GALNTL6: variants seen among roughly 807,000 people sequenced by gnomAD.
GALNTL6 encodes polypeptide N-acetylgalactosaminyltransferase like 6, also known as polypeptide N-acetylgalactosaminyltransferase-like 6.
Under a neutral mutation model 73.7 loss-of-function variants are expected in GALNTL6, and 46 were observed. The ratio of observed to expected loss-of-function variants is 0.62; its 90% confidence interval spans 0.49 to 0.80. The LOEUF (loss-of-function observed/expected upper bound fraction) is 0.80, where lower values mean the gene tolerates loss of function less well. Ranked by LOEUF, GALNTL6 falls within the 30% of genes least tolerant of loss-of-function variation. The pLI is 0.00. For synonymous variants in GALNTL6, 259 were observed against 263.7 expected, an observed-to-expected ratio of 0.98 and a Z score of 0.17; for missense variants, 604 against 755.0, an observed-to-expected ratio of 0.80 and a Z score of 2.34.
intron 2 of GALNTL6, among the ~76,000 whole-genome samples, chr4:172,156,463 A>T (rs989384597): frequency 2.0e-5 from 3 of 149,804 alleles, no homozygotes; most frequent in African/African-American, 7.4e-5. Context: ...TGTTTTCTAC[A>T]GGAAACTGTA....
Position 171,941,018 on chromosome 4 carries a change from A to C in GALNTL6, c.138+126300A>C, listed in dbSNP as rs185507725. On this transcript the variant is annotated intron_variant, in intron 2 of 12. Transcript: ENST00000506823. ...TTAAAAATAAAAAAATTTAAAAGTC[A>C]GGAGTCAATACCAGGAGAATTAATA... 6.4e-3 allele frequency among the ~76,000 whole-genome samples: 974 copies of C among 152,124 alleles called. 5 individuals carry two copies. The highest frequency in any genetic ancestry group is 0.022 in the African/African-American group (927 of 41,542).
intron 2 of GALNTL6, among the ~76,000 whole-genome samples, chr4:172,154,294 G>A (rs1028384146): frequency 6.6e-5 from 10 of 151,870 alleles, no homozygotes; most frequent in African/African-American, 1.7e-4. Flanking sequence ...GTGCAATGGC[G>A]CGATCTCCGC....
At chr4:172,463,899 A>G (rs879606919) in intron 5 of GALNTL6, among the ~76,000 whole-genome samples, 3 of 152,190 alleles carry the variant, frequency 2.0e-5, no homozygotes, top group Admixed American at 6.5e-5. Flanking sequence ...GTTTTCAACC[A>G]TTGTCTGTTT....
At chr4:172,803,758 A>C (rs1197415910) in intron 5 of GALNTL6, among the ~76,000 whole-genome samples, 2 of 152,150 alleles carry the variant, frequency 1.3e-5, no homozygotes, top group Non-Finnish European at 2.9e-5. Context: ...TTTCCCAGCT[A>C]TTTCCCAAAT....
chr4:172,224,328 A>C (rs895674606), intron 2 of GALNTL6, among the ~76,000 whole-genome samples: 2 of 152,172 alleles, frequency 1.3e-5, no homozygotes, highest in Non-Finnish European at 2.9e-5. Context: ...TATAGTTAGA[A>C]ACCCTAATTT....
chr4:172,165,612 T>C (rs1189851817), intron 2 of GALNTL6, among the ~76,000 whole-genome samples: 1 of 152,192 alleles, frequency 6.6e-6, no homozygotes, highest in Non-Finnish European at 1.5e-5. Context: ...TTTTATGAGA[T>C]GTATATTATG....
At chr4:172,943,022 C>A (rs563472907) in intron 9 of GALNTL6, among the ~76,000 whole-genome samples, 2 of 152,210 alleles carry the variant, frequency 1.3e-5, no homozygotes, top group East Asian at 1.9e-4. Context: ...TCACACCCAG[C>A]CAAAACAAAC....
intron 5 of GALNTL6, among the ~76,000 whole-genome samples, chr4:172,783,239 G>C (rs1185111228): frequency 6.6e-6 from 1 of 150,556 alleles, no homozygotes; most frequent in South Asian, 2.1e-4. Flanking sequence ...AATAAATAAA[G>C]TAGTATACTA....
intron 3 of GALNTL6, among the ~76,000 whole-genome samples, chr4:172,303,152 A>G (rs933509059): frequency 6.6e-6 from 1 of 152,080 alleles, no homozygotes; most frequent in Non-Finnish European, 1.5e-5. Context: ...GGCATCTGCC[A>G]CTGTGCCCAG....
At chr4:171,870,088 C>T (rs17057517) in intron 2 of GALNTL6, among the ~76,000 whole-genome samples, 2,323 of 152,200 alleles carry the variant, frequency 0.015, 63 homozygotes, top group African/African-American at 0.053. Context: ...TCTGATATGA[C>T]GGAGACCAAG....
intron 3 of GALNTL6, among the ~76,000 whole-genome samples, chr4:172,265,003 G>A (rs1325830382): frequency 1.3e-5 from 2 of 151,338 alleles, no homozygotes; most frequent in Non-Finnish European, 2.9e-5. Flanking sequence ...CCAAAAAGCT[G>A]GTATTGTTGT....
At chr4:172,488,162 C>T (rs1733764568) in intron 5 of GALNTL6, among the ~76,000 whole-genome samples, 1 of 152,156 alleles carries the variant, frequency 6.6e-6, no homozygotes, top group African/African-American at 2.4e-5. Flanking sequence ...CATTTCAGGA[C>T]TTGTCTTAGC....
intron 5 of GALNTL6, among the ~76,000 whole-genome samples, chr4:172,635,359 C>A (rs548550227): frequency 2.0e-5 from 3 of 151,974 alleles, no homozygotes; most frequent in African/African-American, 7.2e-5. Context: ...ATTTCTGGAA[C>A]TTTATGGTAA....
chr4:172,763,579 A>G (rs182863669), intron 5 of GALNTL6, among the ~76,000 whole-genome samples: 2 of 152,342 alleles, frequency 1.3e-5, no homozygotes, highest in Admixed American at 6.5e-5. Flanking sequence ...TTGTATAAAC[A>G]TCTTTCAAAA....
At chr4:172,722,262 T>C (rs945046372) in intron 5 of GALNTL6, among the ~76,000 whole-genome samples, 1 of 152,166 alleles carries the variant, frequency 6.6e-6, no homozygotes, top group African/African-American at 2.4e-5. Context: ...ATACTCTAAA[T>C]GGGGGTTCCA....
At chr4:172,135,624 T>C (rs1356030273) in intron 2 of GALNTL6, among the ~76,000 whole-genome samples, 1 of 152,206 alleles carries the variant, frequency 6.6e-6, no homozygotes. Context: ...ACGTTAATGC[T>C]TTCCGACATA....
chr4:172,430,314 A>G (rs1731396432), intron 5 of GALNTL6, among the ~76,000 whole-genome samples: 1 of 152,046 alleles, frequency 6.6e-6, no homozygotes, highest in Non-Finnish European at 1.5e-5. Context: ...AGAAAGAGAG[A>G]GAGAGAATTC....
chr4:172,414,564 A>G (rs1200015467), intron 5 of GALNTL6, among the ~76,000 whole-genome samples: 2 of 152,148 alleles, frequency 1.3e-5, no homozygotes, highest in Non-Finnish European at 2.9e-5. Flanking sequence ...GTTTATTGTC[A>G]AATAGAGCAC....
intron 3 of GALNTL6, among the ~76,000 whole-genome samples, chr4:172,250,981 A>G (rs1326432308): frequency 6.6e-6 from 1 of 152,146 alleles, no homozygotes; most frequent in Non-Finnish European, 1.5e-5. Flanking sequence ...CCTCTTTTTA[A>G]ATACAGACAC....
Sources: gnomAD v4.1 joint callset for allele counts (sites outside exome capture counted in the v4.1 genomes callset) on GRCh38, gnomAD v4.1.1 for gene constraint, MANE v1.5 for transcripts, NCBI Gene and HGNC (gene_info 2026-07-23, HGNC 2026-07-21) for gene names.